SBK2: variants seen among roughly 807,000 people sequenced by gnomAD.
The protein encoded by SBK2 is SH3 domain binding kinase family member 2, also known as serine/threonine-protein kinase SBK2.
In SBK2, 18 loss-of-function variants were observed where a neutral mutation model predicts 15.9. The ratio of observed to expected loss-of-function variants is 1.13; its 90% confidence interval spans 0.78 to 1.68. The LOEUF is 1.68. SBK2 is among the 40% of genes most tolerant of loss of function. The probability of loss-of-function intolerance (pLI) is 0.00; values close to 1 mark genes in which losing one functional copy is unlikely to be tolerated. For synonymous variants in SBK2, 284 were observed against 246.8 expected (o/e 1.15, Z -1.41); for missense variants, 581 against 510.9 (o/e 1.14, Z -1.32).
At position 55,530,078 on chromosome 19, in the gene SBK2, G is replaced by A; in HGVS notation, c.702C>T (p.Leu234=). The change falls in exon 4 of 4, where the codon CTC becomes CTT. Residue 234 remains leucine (L), a synonymous_variant. Transcript: ENST00000413299. ...TAPELCAPPP[L]PEGLPIQPAL... ...CGGGCTGAATGGGCAGGCCCTCGGGGAGCGGCGGGGGCGCGCAGAGCTCGG... is the reference window on the plus strand; with the variant it reads ...CGGGCTGAATGGGCAGGCCCTCGGGAAGCGGCGGGGGCGCGCAGAGCTCGG... 1 of 1,445,322 alleles carries A rather than the reference G, an allele frequency of 6.9e-7. No homozygotes were observed. The allele number at this position is 1,445,322 out of a possible 1,614,324, so 89.5% of individuals were successfully genotyped here. A position where few individuals can be genotyped will look rare whatever the true frequency, so the allele number is the denominator to read the frequency against.
At position 55,530,780 on chromosome 19, in the gene SBK2, T is replaced by A. The variant is rs62127064; in HGVS notation, c.456+363A>T. ...ACCCGTGAGGCCTGTGGGTTTAGTGTGGCCTAGTGTGACCTGTGAGGCCTG... is the reference window on the plus strand; with the variant it reads ...ACCCGTGAGGCCTGTGGGTTTAGTGAGGCCTAGTGTGACCTGTGAGGCCTG... On this transcript the variant is annotated intron_variant, in intron 3 of 3. Transcript: ENST00000413299. Among the ~76,000 whole-genome samples, 112 of 12,416 alleles carry A rather than the reference T, an allele frequency of 9.0e-3. 4 individuals are homozygous for A. Among genetic ancestry groups the A allele is most frequent in the Non-Finnish European group, 0.014 (32 of 2,288 alleles). The allele number at this position is 12,416 out of a possible 152,430, so 8.1% of individuals were successfully genotyped here. A position where few individuals can be genotyped will look rare whatever the true frequency, so the allele number is the denominator to read the frequency against.
At chr19:55,533,659 C>CAAAAAAAAAAAAAA (rs71181785) in intron 2 of SBK2, among the ~76,000 whole-genome samples, 11 of 33,896 alleles carry the variant, frequency 3.2e-4, no homozygotes, top group Non-Finnish European at 4.1e-4. Flanking sequence ...GACTCCGTCT[C>CAAAAAAAAAAAAAA]AAAAAAAAAA....
In SBK2 at chr19:55,536,155, G is replaced by A. The variant is rs201950122; in HGVS notation, c.140C>T (p.Thr47Met). The A allele has an allele frequency of 9.5e-4, 1,524 of 1,602,526 alleles. 5 individuals carry two copies. The highest frequency in any genetic ancestry group is 6.4e-4 in the Non-Finnish European group (750 of 1,174,750). Residue 47 changes from threonine (T) to methionine (M), a missense_variant, in exon 2 of 4, where the codon ACG becomes ATG. Physicochemically the swap from Thr to Met is moderately conservative, Grantham distance 81. Coordinates refer to ENST00000413299, the MANE Select transcript of SBK2 (RefSeq NM_001370096.2). Reference protein sequence around the residue: ...EAARALEDMMTLSAQTLVRAE... With the variant: ...EAARALEDMMMLSAQTLVRAE... ...TCGGACCAGGGTCTGAGCACTCAGCGTCATCATGTCCTCCAGCGCGCGGGC... is the reference window on the plus strand; with the variant it reads ...TCGGACCAGGGTCTGAGCACTCAGCATCATCATGTCCTCCAGCGCGCGGGC...
intron 2 of SBK2, among the ~76,000 whole-genome samples, chr19:55,535,193 C>T (rs1428667820): frequency 6.6e-6 from 1 of 152,142 alleles, no homozygotes; most frequent in East Asian, 1.9e-4. Flanking sequence ...CGCCCAACCC[C>T]CCCAGCACAG....
At chr19:55,530,377 G>A (rs951267690) in intron 3 of SBK2, 54 bp from the exon 4 acceptor site, 1 of 1,383,768 alleles carries the variant, frequency 7.2e-7, no homozygotes, top group African/African-American at 1.5e-5. Flanking sequence ...AGGCAACCGA[G>A]ACCCAGGAAG....
intron 2 of SBK2, among the ~76,000 whole-genome samples, chr19:55,533,788 C>T (rs1188353338): frequency 6.6e-6 from 1 of 151,954 alleles, no homozygotes; most frequent in Non-Finnish European, 1.5e-5. Context: ...GTTCACAGCG[C>T]TCCTGATCAC....
Position 55,536,027 on chromosome 19 carries a change from C to T in SBK2, c.253+15G>A. On this transcript the variant is annotated intron_variant, in intron 2 of 3. Coordinates refer to ENST00000413299, the MANE Select transcript of SBK2 (RefSeq NM_001370096.2). ...CCAGCTGAACCCTGCCACCTCTGGC[C>T]CCACAGCCTCGTACCTTTCTGACGA... The T allele has an allele frequency of 7.0e-7, 1 of 1,437,364 alleles. No homozygotes were observed. Among genetic ancestry groups the T allele is most frequent in the Non-Finnish European group, 9.2e-7 (1 of 1,089,042 alleles). The allele number at this position is 1,437,364 out of a possible 1,614,324, so 89.0% of individuals were successfully genotyped here.
chr19:55,536,265 C>T lies in SBK2; in HGVS notation c.30G>A (p.Pro10=), dbSNP rs369991451. MPGKQSEEG[P]AEAGASEDSE... Reference sequence around the variant, plus strand: ...TGTCCTCCGAAGCCCCTGCCTCCGCCGGCCCTTCCTCAGACTGTTTGCCGG... The same window carrying T: ...TGTCCTCCGAAGCCCCTGCCTCCGCTGGCCCTTCCTCAGACTGTTTGCCGG... The change falls in exon 2 of 4, where the codon CCG becomes CCA. Residue 10 remains proline (P), a synonymous_variant. Coordinates refer to ENST00000413299, the MANE Select transcript of SBK2 (RefSeq NM_001370096.2). The T allele has an allele frequency of 7.8e-5, 124 of 1,587,404 alleles. No homozygotes were observed. Among genetic ancestry groups the T allele is most frequent in the Middle Eastern group, 3.4e-4 (2 of 5,822 alleles).
At chr19:55,536,697 C>G (rs558802228) in intron 1 of SBK2, among the ~76,000 whole-genome samples, 69 of 152,112 alleles carry the variant, frequency 4.5e-4, no homozygotes, top group African/African-American at 1.6e-3. Context: ...CGCCTGGGTC[C>G]TGCATGGGAC....
rs1173556279 is a variant in SBK2, at chr19:55,531,296, A to G, written c.303T>C (p.Arg101=). ...CCACACAGAACTCGTACAGGAAGCC[A>G]CGGAGGGACGTGCGGGGTTTCGGGA... ...KQLPKPRTSL[R]GFLYEFCVGL... is the part of the protein sequence containing the mutation. Residue 101 remains arginine (R), a synonymous_variant, in exon 3 of 4, where the codon CGT becomes CGC. Transcript: ENST00000413299. 6.2e-7 allele frequency: 1 copy of G among 1,613,356 alleles called. No homozygotes were observed. The highest frequency in any genetic ancestry group is 1.3e-5 in the African/African-American group (1 of 75,026).
Position 55,529,782 on chromosome 19 carries a change from T to G in SBK2, c.998A>C (p.Glu333Ala), listed in dbSNP as rs1487568029. Residue 333 changes from glutamate (E) to alanine (A), a missense_variant, in exon 4 of 4, where the codon GAG becomes GCG. Physicochemically the swap from Glu to Ala is moderately radical, Grantham distance 107 (BLOSUM62 -1). Coordinates refer to ENST00000413299, the MANE Select transcript of SBK2 (RefSeq NM_001370096.2). ...CGCTCCCACTGCCTCCGCCTCGCCC[T>G]CCCGCTGCCTCCAGGGGCGCCCCAG... The part of the protein sequence containing the change: ...EHLGRPWRQR[E>A]GEAEAVGAVE... The G allele has an allele frequency of 6.2e-7, 1 of 1,603,630 alleles. No homozygotes were observed. The highest frequency in any genetic ancestry group is 8.5e-7 in the Non-Finnish European group (1 of 1,179,650).
rs1988171198 is a variant in SBK2 at position 55,528,719 on chromosome 19, G to A, written c.*1014C>T. 6.6e-6 allele frequency among the ~76,000 whole-genome samples: 1 copy of A among 152,190 alleles called. No individual in the cohort carries two copies. Among genetic ancestry groups the A allele is most frequent in the Non-Finnish European group, 1.5e-5 (1 of 68,046 alleles). ...GGAGGGAGACCCGGCCGGAGAGAAG[G>A]AGAGAGGACGGCGGGAGGACAGGGA... On this transcript the variant is annotated 3_prime_UTR_variant, in exon 4 of 4. Coordinates refer to ENST00000413299, the MANE Select transcript of SBK2 (RefSeq NM_001370096.2).
chr19:55,535,425 G>C (rs1032815681), intron 2 of SBK2, among the ~76,000 whole-genome samples: 32 of 152,194 alleles, frequency 2.1e-4, no homozygotes, highest in Non-Finnish European at 4.4e-4. Flanking sequence ...CCTGAGCTGG[G>C]AGCTCTGTCT....
Position 55,529,758 on chromosome 19 carries a change from G to A in SBK2, c.1022C>T (p.Ala341Val). The part of the protein sequence containing the change: ...QREGEAEAVG[A>V]VEEEAGQ Reference sequence around the variant, plus strand: ...TCACTGCCCAGCCTCCTCTTCCACCGCTCCCACTGCCTCCGCCTCGCCCTC... The same window carrying A: ...TCACTGCCCAGCCTCCTCTTCCACCACTCCCACTGCCTCCGCCTCGCCCTC... The change falls in exon 4 of 4, where the codon GCG (alanine) becomes GTG (valine). Residue 341 changes from alanine to valine, a missense_variant. Coordinates refer to ENST00000413299, the MANE Select transcript of SBK2 (RefSeq NM_001370096.2). 6.2e-7 allele frequency: 1 copy of A among 1,601,966 alleles called. No homozygotes were observed.
At chr19:55,532,295 C>CTT (rs540857379) in intron 2 of SBK2, among the ~76,000 whole-genome samples, 128 of 77,078 alleles carry the variant, frequency 1.7e-3, no homozygotes, top group East Asian at 2.4e-3. Context: ...TGATGTCTTC[C>CTT]TTTTTTTTTT....
chr19:55,533,056 C>A (rs377128437), intron 2 of SBK2, among the ~76,000 whole-genome samples: 1 of 152,156 alleles, frequency 6.6e-6, no homozygotes, highest in Non-Finnish European at 1.5e-5. Context: ...ATTGGCCCAG[C>A]GCAGTGGCTG....
chr19:55,531,488 C>T (rs1988265850), intron 2 of SBK2, 143 bp from the exon 3 acceptor site: 1 of 668,638 alleles, frequency 1.5e-6, no homozygotes, highest in East Asian at 2.7e-5. Flanking sequence ...CCAACTCCCA[C>T]CTCCCTCCTG....
Position 55,529,719 on chromosome 19 carries a change from C to T in SBK2, c.*14G>A, listed in dbSNP as rs769478880. 1.3e-6 allele frequency: 2 copies of T among 1,594,280 alleles called. No individual in the cohort carries two copies. Among genetic ancestry groups the T allele is most frequent in the Non-Finnish European group, 1.7e-6 (2 of 1,177,294 alleles). On this transcript the variant is annotated 3_prime_UTR_variant, in exon 4 of 4. Transcript: ENST00000413299. Reference sequence around the variant, plus strand: ...GGTGGGGCGGCTTCCCTTTCTGCATCCCCCGGGGCCTCCTCACTGCCCAGC... The same window carrying T: ...GGTGGGGCGGCTTCCCTTTCTGCATTCCCCGGGGCCTCCTCACTGCCCAGC...
At chr19:55,536,005 G>A (rs745477951) in intron 2 of SBK2, 37 bp downstream of exon 2, 3 of 1,424,362 alleles carry the variant, frequency 2.1e-6, no homozygotes, top group South Asian at 1.6e-5. Flanking sequence ...CCCGCCCCCA[G>A]CTGAACCCTG....
Sources: gnomAD v4.1 joint callset for allele counts (sites outside exome capture counted in the v4.1 genomes callset) on GRCh38, gnomAD v4.1.1 for gene constraint, MANE v1.5 for transcripts, NCBI Gene and HGNC (gene_info 2026-07-23, HGNC 2026-07-21) for gene names.